NR2C2: variants seen among roughly 807,000 people sequenced by gnomAD.
The protein encoded by NR2C2 is Nuclear hormone receptor TR4.
NR2C2 carries 6 observed loss-of-function variants against 62.9 expected under a neutral mutation model. The observed-to-expected ratio is 0.10, with a 90% CI of 0.05 to 0.19. The LOEUF (loss-of-function observed/expected upper bound fraction) is 0.19. Ranked by LOEUF, NR2C2 falls within the 10% of genes least tolerant of loss-of-function variation. The pLI is 1.00. For missense variants in NR2C2, 479 were observed against 762.7 expected (o/e 0.63, Z 4.38); for synonymous variants, 272 against 273.8 (o/e 0.99, Z 0.07).
rs2041421066 is a variant in NR2C2 at position 15,013,723 on chromosome 3, A to G, written c.207A>G (p.Pro69=). 1 of 1,614,210 alleles carries G rather than the reference A, an allele frequency of 6.2e-7. No individual in the cohort carries two copies. The highest frequency in any genetic ancestry group is 1.3e-5 in the African/African-American group (1 of 75,064). Residue 69 remains proline (P), a synonymous_variant, in exon 3 of 14, where the codon CCA becomes CCG. Coordinates refer to ENST00000425241, the MANE Select transcript of NR2C2 (RefSeq NM_001291694.2). The stretch of plus-strand genomic sequence containing the variant: ...CTGGGAAGGTGATCCTGGCTTCCCC[A>G]GAGACATCCAGCGCCAAGCAACTCA... The part of the protein sequence containing the change: ...AGTGKVILAS[P]ETSSAKQLIF...
intron 1 of NR2C2, among the ~76,000 whole-genome samples, chr3:14,970,815 G>A (rs1056341151): frequency 4.6e-5 from 7 of 152,264 alleles, no homozygotes; most frequent in African/African-American, 1.4e-4. Context: ...TTGAGTCCCT[G>A]CTTTCAGTTA....
chr3:15,035,670 GA>G (rs2042084679), intron 11 of NR2C2, among the ~76,000 whole-genome samples: 1 of 152,222 alleles, frequency 6.6e-6, no homozygotes, highest in African/African-American at 2.4e-5. Flanking sequence ...CAAGACGGGG[GA>G]TCACTGGAGG....
At chr3:15,028,474 CA>C in intron 7 of NR2C2, 111 bp from the exon 8 acceptor site, 1 of 972,454 alleles carries the variant, frequency 1.0e-6, no homozygotes. Context: ...CCTTTGTAGT[CA>C]CACTTCCCTC....
chr3:14,968,978 G>GAC (rs1248988420), intron 1 of NR2C2, among the ~76,000 whole-genome samples: 1 of 135,248 alleles, frequency 7.4e-6, no homozygotes, highest in Non-Finnish European at 1.6e-5. Context: ...ACACTCTGGG[G>GAC]ACTGTTGTGG....
At chr3:14,959,700 C>T (rs1338479551) in intron 1 of NR2C2, 6 of 152,054 alleles carry the variant, frequency 3.9e-5, no homozygotes, top group Non-Finnish European at 7.3e-5. Context: ...TAAAGAGAGG[C>T]GTTTAAGATG....
At chr3:14,948,541 C>T (rs1034615877) in intron 1 of NR2C2, 4 of 126,974 alleles carry the variant, frequency 3.2e-5, no homozygotes, top group South Asian at 5.3e-4. Flanking sequence ...CGCGGGAGCC[C>T]TGGCGGGGCG....
chr3:14,980,546 A>T (rs933047986), intron 1 of NR2C2, among the ~76,000 whole-genome samples: 2 of 149,816 alleles, frequency 1.3e-5, no homozygotes, highest in Non-Finnish European at 3.0e-5. Flanking sequence ...TCGTACTTCT[A>T]CCCACTAAAA....
intron 1 of NR2C2, among the ~76,000 whole-genome samples, chr3:14,989,809 G>C (rs2040615865): frequency 6.7e-6 from 1 of 150,146 alleles, no homozygotes; most frequent in East Asian, 2.0e-4. Context: ...GCAGGCACCT[G>C]TAATCCCAGC....
chr3:14,957,276 G>A (rs144332554), intron 1 of NR2C2, among the ~76,000 whole-genome samples: 44 of 152,218 alleles, frequency 2.9e-4, no homozygotes, highest in African/African-American at 9.9e-4. Flanking sequence ...TGAAGGCAGC[G>A]TCTCCTTGTC....
intron 1 of NR2C2, among the ~76,000 whole-genome samples, chr3:14,950,264 A>G (rs965371922): frequency 6.6e-6 from 1 of 152,158 alleles, no homozygotes; most frequent in Non-Finnish European, 1.5e-5. Context: ...CATCCAGGAC[A>G]AAAGTTTGGA....
chr3:15,045,320 C>T lies in NR2C2; in HGVS notation c.*2312C>T, dbSNP rs1421388363. On this transcript the variant is annotated 3_prime_UTR_variant, in exon 14 of 14. Transcript: ENST00000425241. ...AAAGGTCTCCACCAGCCCCTCCTCT[C>T]ATTCCCAGGTCATTCAGTGGCAGCC... The T allele has an allele frequency of 1.3e-5, 2 of 152,636 alleles. No individual in the cohort carries two copies. The highest frequency in any genetic ancestry group is 1.3e-4 in the Admixed American group (2 of 15,280). The allele number at this position is 152,636 out of a possible 1,614,324, so 9.5% of individuals were successfully genotyped here.
intron 2 of NR2C2, among the ~76,000 whole-genome samples, chr3:15,008,192 T>C (rs2041244884): frequency 1.3e-5 from 2 of 151,654 alleles, no homozygotes; most frequent in South Asian, 4.1e-4. Flanking sequence ...AATTTTTAGA[T>C]GTTAGCAAAC....
intron 1 of NR2C2, among the ~76,000 whole-genome samples, chr3:14,960,134 G>A (rs2039650622): frequency 6.6e-6 from 1 of 152,138 alleles, no homozygotes; most frequent in African/African-American, 2.4e-5. Flanking sequence ...TCCTGGGATA[G>A]GACAGGATTT....
intron 1 of NR2C2, among the ~76,000 whole-genome samples, chr3:14,966,428 A>G (rs1034163592): frequency 1.3e-5 from 2 of 152,208 alleles, no homozygotes; most frequent in Non-Finnish European, 2.9e-5. Flanking sequence ...ATTATAAACA[A>G]TCAAAAAATT....
intron 1 of NR2C2, among the ~76,000 whole-genome samples, chr3:14,993,913 C>T (rs2040742159): frequency 6.6e-6 from 1 of 152,144 alleles, no homozygotes; most frequent in Non-Finnish European, 1.5e-5. Flanking sequence ...GTACCTCAGG[C>T]AAGGTAGCAA....
chr3:15,042,971 C>T lies in NR2C2; in HGVS notation c.1754C>T (p.Ala585Val). The T allele has an allele frequency of 6.2e-7, 1 of 1,614,176 alleles. No individual in the cohort carries two copies. ...IIPYILKMET[A>V]EYNGQITGAS... ...CCCTACATCCTCAAGATGGAGACAG[C>T]AGAGTATAATGGCCAGATCACCGGA... The change falls in exon 14 of 14, where the codon GCA (alanine) becomes GTA (valine). Residue 585 changes from alanine (A) to valine (V), a missense_variant. Ala to Val is a moderately conservative substitution (Grantham distance 64). Coordinates refer to ENST00000425241, the MANE Select transcript of NR2C2 (RefSeq NM_001291694.2).
chr3:14,969,126 T>TA (rs765668296), intron 1 of NR2C2, among the ~76,000 whole-genome samples: 4 of 151,118 alleles, frequency 2.6e-5, no homozygotes, highest in African/African-American at 4.9e-5. Flanking sequence ...CCCTAAAACT[T>TA]AAAGTATAGT....
At chr3:15,033,339 T>C (rs904715307) in intron 10 of NR2C2, among the ~76,000 whole-genome samples, 22 of 152,176 alleles carry the variant, frequency 1.4e-4, no homozygotes, top group African/African-American at 5.1e-4. Context: ...CAGTTTCTCA[T>C]TGTAGAATCC....
chr3:15,022,523 A>G (rs555481639), intron 5 of NR2C2, among the ~76,000 whole-genome samples: 1 of 148,324 alleles, frequency 6.7e-6, no homozygotes, highest in East Asian at 2.0e-4. Context: ...TCCCTGCCTC[A>G]GCCTCCCAAG....
Sources: gnomAD v4.1 joint callset for allele counts (sites outside exome capture counted in the v4.1 genomes callset) on GRCh38, gnomAD v4.1.1 for gene constraint, MANE v1.5 for transcripts, NCBI Gene and HGNC (gene_info 2026-07-23, HGNC 2026-07-21) for gene names.